AP2B1: variants seen among roughly 807,000 people sequenced by gnomAD.
AP2B1 encodes adaptor related protein complex 2 subunit beta 1.
A neutral mutation model predicts 102.0 loss-of-function variants in AP2B1; 23 were observed. The ratio of observed to expected loss-of-function variants is 0.23; its 90% CI spans 0.16 to 0.32. The LOEUF is 0.32. Among genes scored for constraint, AP2B1 ranks in the 10% least tolerant of loss-of-function variants. AP2B1 has a pLI of 1.00. For missense variants in AP2B1, 541 were observed against 1,157.4 expected (o/e 0.47, Z 7.73); for synonymous variants, 381 against 421.2 (o/e 0.90, Z 1.17).
intron 5 of AP2B1, among the ~76,000 whole-genome samples, chr17:35,623,643 C>T (rs574988932): frequency 8.5e-5 from 13 of 152,232 alleles, no homozygotes. Flanking sequence ...TCCTATTGAA[C>T]TGACAGGCCA....
At chr17:35,641,998 G>A in intron 12 of AP2B1, 23 bp downstream of exon 12, 1 of 1,550,542 alleles carries the variant, frequency 6.4e-7, no homozygotes. Context: ...GAAAAAGCAA[G>A]ATGTTGATTT....
At chr17:35,659,944 A>C in intron 14 of AP2B1, 1 of 985,402 alleles carries the variant, frequency 1.0e-6, no homozygotes, top group Non-Finnish European at 1.2e-6. Context: ...GGAAGACCTA[A>C]ATTTGCCTGT....
chr17:35,589,903 T>A (rs1027539026), intron 1 of AP2B1, among the ~76,000 whole-genome samples: 1 of 151,948 alleles, frequency 6.6e-6, no homozygotes, highest in East Asian at 1.9e-4. Flanking sequence ...AGCTCTATTT[T>A]GTTTACTTTT....
intron 16 of AP2B1, 77 bp downstream of exon 16, chr17:35,671,977 C>A: frequency 6.7e-7 from 1 of 1,501,264 alleles, no homozygotes; most frequent in South Asian, 1.2e-5. Flanking sequence ...ATTTGTGTTA[C>A]TTCTACTGGT....
intron 5 of AP2B1, among the ~76,000 whole-genome samples, chr17:35,619,648 CTG>C (rs2074118602): frequency 6.6e-6 from 1 of 151,864 alleles, no homozygotes; most frequent in African/African-American, 2.4e-5. Context: ...ATATCTATCT[CTG>C]TAAAGTATAC....
Position 35,680,716 on chromosome 17 carries a change from TCAGA to T in AP2B1, c.2325-1975_2325-1972del, listed in dbSNP as rs1295395284. 4.2e-3 allele frequency among the ~76,000 whole-genome samples: 632 copies of T among 149,482 alleles called. 9 individuals carry two copies. Among genetic ancestry groups the T allele is most frequent in the African/African-American group, 0.015 (604 of 40,278 alleles). On this transcript the variant is annotated intron_variant, in intron 17 of 21. Transcript: ENST00000610402. The stretch of plus-strand genomic sequence containing the variant: ...TTTTTTTTTGTTTTTTTTTTTTTTT[TCAGA>T]CAGTCTTGCTCTGTCGCCCAGCCTG...
chr17:35,675,791 C>T (rs1235122925), intron 17 of AP2B1, among the ~76,000 whole-genome samples: 1 of 151,538 alleles, frequency 6.6e-6, no homozygotes, highest in African/African-American at 2.4e-5. Flanking sequence ...TTTATTGACT[C>T]TTTGTTTATC....
chr17:35,710,226 C>G lies in AP2B1; in HGVS notation c.2540-8C>G. On this transcript the variant is annotated splice_polypyrimidine_tract_variant and splice_region_variant and intron_variant, in intron 19 of 21. Transcript: ENST00000610402. ...ACATCCATCCTTCCCCTCTGCTTTC[C>G]CATACAGAGCGCCAGGTCTTCCTTG... is the stretch of plus-strand genomic sequence containing the variant. 1 of 1,604,124 alleles carries G rather than the reference C, an allele frequency of 6.2e-7. No homozygotes were observed. The highest frequency in any genetic ancestry group is 1.7e-5 in the Admixed American group (1 of 59,986).
intron 18 of AP2B1, among the ~76,000 whole-genome samples, chr17:35,687,950 A>G (rs1033159772): frequency 2.6e-5 from 4 of 152,232 alleles, no homozygotes; most frequent in African/African-American, 9.6e-5. Flanking sequence ...ATTGGAGTTA[A>G]TACCCATTTA....
intron 9 of AP2B1, among the ~76,000 whole-genome samples, chr17:35,629,578 TA>T (rs1349701077): frequency 6.6e-6 from 1 of 152,348 alleles, no homozygotes; most frequent in East Asian, 1.9e-4. Context: ...AATTATCGGA[TA>T]TTTTTTGGTG....
At chr17:35,690,056 C>G (rs1598295109) in intron 18 of AP2B1, among the ~76,000 whole-genome samples, 1 of 152,182 alleles carries the variant, frequency 6.6e-6, no homozygotes, top group African/African-American at 2.4e-5. Context: ...TTCTCTCCTT[C>G]TAGAACTCCA....
intron 14 of AP2B1, among the ~76,000 whole-genome samples, chr17:35,665,019 A>G (rs751137047): frequency 4.6e-4 from 70 of 151,114 alleles, no homozygotes; most frequent in Middle Eastern, 3.2e-3. Flanking sequence ...CGTTTATGCT[A>G]TTCCTTATCA....
At chr17:35,678,489 T>C (rs2075749102) in intron 17 of AP2B1, among the ~76,000 whole-genome samples, 1 of 152,218 alleles carries the variant, frequency 6.6e-6, no homozygotes, top group African/African-American at 2.4e-5. Context: ...CATCATTAAG[T>C]GTGACGTTAG....
At chr17:35,608,051 A>G (rs577245065) in intron 4 of AP2B1, 91 bp from the exon 5 acceptor site, 4 of 1,467,854 alleles carry the variant, frequency 2.7e-6, no homozygotes, top group South Asian at 2.6e-5. Flanking sequence ...GCTTAAATTA[A>G]TGAGGTAATT....
intron 18 of AP2B1, among the ~76,000 whole-genome samples, chr17:35,690,198 T>G (rs2142997741): frequency 6.6e-6 from 1 of 152,326 alleles, no homozygotes; most frequent in South Asian, 2.1e-4. Flanking sequence ...GTACACTGCT[T>G]CTTTCTTCTA....
chr17:35,701,406 C>G (rs1598323400), intron 18 of AP2B1, among the ~76,000 whole-genome samples: 1 of 152,150 alleles, frequency 6.6e-6, no homozygotes, highest in Non-Finnish European at 1.5e-5. Context: ...GAGAGAAACA[C>G]ATATTAAAAC....
At chr17:35,663,489 C>T (rs2075400014) in intron 14 of AP2B1, among the ~76,000 whole-genome samples, 1 of 152,300 alleles carries the variant, frequency 6.6e-6, no homozygotes, top group South Asian at 2.1e-4. Context: ...ACACTTTATA[C>T]TGTCCTATGA....
chr17:35,648,743 A>AGT (rs10668040), intron 12 of AP2B1, among the ~76,000 whole-genome samples: 4,491 of 148,580 alleles, frequency 0.03, 98 homozygotes, highest in African/African-American at 0.07. Context: ...ATATGAAATA[A>AGT]GTGTGTGTGT....
chr17:35,626,572 A>T, intron 6 of AP2B1, 49 bp from the exon 7 acceptor site: 1 of 1,427,740 alleles, frequency 7.0e-7, no homozygotes, highest in Non-Finnish European at 9.8e-7. Flanking sequence ...GAATGAATTC[A>T]GCAAATAAAT....
Sources: allele counts gnomAD v4.1 joint callset (sites outside exome capture counted in the v4.1 genomes callset), GRCh38; gene constraint gnomAD v4.1.1; transcripts MANE v1.5; gene names NCBI Gene and HGNC (gene_info 2026-07-23, HGNC 2026-07-21).